Variants in RSPH3 observed in about 807,000 individuals in gnomAD.
RSPH3 encodes the protein radial spoke head protein 3 homolog.
Under a neutral mutation model 43.8 loss-of-function variants are expected in RSPH3, and 21 were observed. That is an observed-to-expected ratio of 0.48 (90% confidence interval 0.34 to 0.69). RSPH3 has a LOEUF of 0.69. Among genes scored for constraint, RSPH3 ranks in the 30% least tolerant of loss-of-function variants. RSPH3 has a pLI of 0.01. For missense variants in RSPH3, 487 were observed against 516.0 expected, an observed-to-expected ratio of 0.94 and a Z score of 0.54; for synonymous variants, 173 against 179.8, an observed-to-expected ratio of 0.96 and a Z score of 0.30.
intron 3 of RSPH3, among the ~76,000 whole-genome samples, chr6:158,984,124 ACT>A (rs1033576901): frequency 2.6e-5 from 4 of 151,810 alleles, no homozygotes; most frequent in Admixed American, 6.6e-5. Context: ...ACACAGTGAG[ACT>A]CTGTCTCAAA....
At chr6:158,993,689 T>C (rs1778495105) in intron 2 of RSPH3, 150 bp downstream of exon 2, 1 of 510,226 alleles carries the variant, frequency 2.0e-6, no homozygotes, top group Non-Finnish European at 3.4e-6. Context: ...TCTATTTGTA[T>C]GTCTTTTTAA....
At chr6:158,993,659 C>T (rs1296291434) in intron 2 of RSPH3, among the ~76,000 whole-genome samples, 180 bp downstream of exon 2, 1 of 152,122 alleles carries the variant, frequency 6.6e-6, no homozygotes, top group Non-Finnish European at 1.5e-5. Flanking sequence ...CCCCCAGCTC[C>T]TGGAAACTGT....
chr6:158,991,998 A>T (rs1315832752), intron 2 of RSPH3, among the ~76,000 whole-genome samples: 1 of 151,758 alleles, frequency 6.6e-6, no homozygotes, highest in African/African-American at 2.4e-5. Context: ...ACTTTATTAT[A>T]AAATAGGCTT....
rs1777728587 is a variant in RSPH3, at chr6:158,973,238, A to G, written c.*4300T>C. On this transcript the variant is annotated 3_prime_UTR_variant, in exon 8 of 8. Transcript: ENST00000367069. ...AAATACATTCTGTGATTCACCTATAAACAAAAGAGTAAAGCAGAATGTGTC... is the reference window on the plus strand; with the variant it reads ...AAATACATTCTGTGATTCACCTATAGACAAAAGAGTAAAGCAGAATGTGTC... 1 of 152,244 alleles carries G rather than the reference A, an allele frequency of 6.6e-6. No individual in the cohort carries two copies. Among genetic ancestry groups the G allele is most frequent in the Non-Finnish European group, 1.5e-5 (1 of 68,048 alleles). 9.4% of individuals were successfully genotyped at this position (152,244 alleles called of 1,614,324 possible).
chr6:158,983,536 C>T lies in RSPH3; in HGVS notation c.492+126G>A, dbSNP rs554490464. 213 of 766,192 alleles carry T rather than the reference C, an allele frequency of 2.8e-4. 2 individuals carry two copies. The highest frequency in any genetic ancestry group is 1.3e-3 in the Admixed American group (60 of 47,358). 47.5% of individuals were successfully genotyped at this position (766,192 alleles called of 1,614,324 possible). ...ATGATAAAACCATTATAGATAATATCTGGAAAGAAATCCAAGAAGTAGAAT... is the reference window on the plus strand; with the variant it reads ...ATGATAAAACCATTATAGATAATATTTGGAAAGAAATCCAAGAAGTAGAAT... On this transcript the variant is annotated intron_variant, in intron 4 of 7. Coordinates refer to ENST00000367069, the MANE Select transcript of RSPH3 (RefSeq NM_031924.8).
intron 1 of RSPH3, among the ~76,000 whole-genome samples, chr6:158,995,171 AT>A (rs1778549123): frequency 6.6e-6 from 1 of 152,082 alleles, no homozygotes. Context: ...CTCAATTTTT[AT>A]TTTTAGCTGA....
chr6:158,982,987 T>C (rs911789322), intron 4 of RSPH3, among the ~76,000 whole-genome samples: 1 of 152,198 alleles, frequency 6.6e-6, no homozygotes, highest in African/African-American at 2.4e-5. Flanking sequence ...TTGATTTTTA[T>C]TTATTTTTAA....
intron 2 of RSPH3, among the ~76,000 whole-genome samples, chr6:158,990,936 C>T (rs993814147): frequency 4.8e-5 from 7 of 147,264 alleles, no homozygotes; most frequent in Non-Finnish European, 1.0e-4. Flanking sequence ...TGGATAACTT[C>T]CGTTCTTCAT....
intron 1 of RSPH3, among the ~76,000 whole-genome samples, chr6:158,995,090 C>A (rs1778546381): frequency 6.6e-6 from 1 of 152,170 alleles, no homozygotes; most frequent in Non-Finnish European, 1.5e-5. Flanking sequence ...CCTCCGGGCT[C>A]AGCCTTCTCT....
At chr6:158,967,645 TCTC>T in the RSPH3 span, among the ~76,000 whole-genome samples, 1 of 152,192 alleles carries the variant, frequency 6.6e-6, no homozygotes, top group African/African-American at 2.4e-5. Context: ...TTGCTGATCT[TCTC>T]CTTAGTCTAT....
chr6:158,971,579 T>C (rs1777694564), downstream of RSPH3, among the ~76,000 whole-genome samples: 1 of 152,216 alleles, frequency 6.6e-6, no homozygotes, highest in Non-Finnish European at 1.5e-5. Context: ...CTTATGTTAG[T>C]GCTATGAGTT....
intron 1 of RSPH3, among the ~76,000 whole-genome samples, chr6:158,996,985 T>G (rs571080992): frequency 1.3e-5 from 2 of 152,284 alleles, no homozygotes. Flanking sequence ...GAGACTGGAT[T>G]AAGTTCTCAC....
In RSPH3 at chr6:158,974,608, G is replaced by A. The variant is rs762343526; in HGVS notation, c.*2930C>T. The A allele has an allele frequency of 3.8e-4, 58 of 152,236 alleles. No homozygotes were observed. The highest frequency in any genetic ancestry group is 6.8e-4 in the Non-Finnish European group (46 of 68,022). The allele number at this position is 152,236 out of a possible 1,614,324, so 9.4% of individuals were successfully genotyped here. A position where few individuals can be genotyped will look rare whatever the true frequency, so the allele number is the denominator to read the frequency against. On this transcript the variant is annotated 3_prime_UTR_variant, in exon 8 of 8. Coordinates refer to ENST00000367069, the MANE Select transcript of RSPH3 (RefSeq NM_031924.8). ...TGTGTTACCTCTAAGCTTTCTCACA[G>A]CGACAATGCCCTAACCTCTCAATTA...
chr6:158,993,577 G>A (rs1415896958), intron 2 of RSPH3, among the ~76,000 whole-genome samples: 1 of 151,556 alleles, frequency 6.6e-6, no homozygotes, highest in Non-Finnish European at 1.5e-5. Context: ...CTCTATCTCC[G>A]GAACTCTTTT....
intron 4 of RSPH3, among the ~76,000 whole-genome samples, chr6:158,983,057 G>A (rs1778089263): frequency 6.6e-6 from 1 of 152,104 alleles, no homozygotes; most frequent in South Asian, 2.1e-4. Flanking sequence ...TCATTGCTAG[G>A]ATTTATAGGC....
chr6:158,998,337 C>T (rs1286234539), intron 1 of RSPH3, among the ~76,000 whole-genome samples: 4 of 139,288 alleles, frequency 2.9e-5, no homozygotes, highest in East Asian at 2.1e-4. Context: ...GGCGTGGTGG[C>T]GGGCGCCTGT....
chr6:158,995,896 T>A (rs1256259595), intron 1 of RSPH3, among the ~76,000 whole-genome samples: 1 of 152,080 alleles, frequency 6.6e-6, no homozygotes, highest in African/African-American at 2.4e-5. Flanking sequence ...ACCGTGCCCA[T>A]CCTTCTTCTT....
chr6:158,986,154 A>G (rs1778231186), intron 3 of RSPH3, 126 bp downstream of exon 3: 2 of 902,752 alleles, frequency 2.2e-6, no homozygotes, highest in African/African-American at 1.7e-5. Context: ...CTTCCCTACC[A>G]TGTGATCGGG....
intron 6 of RSPH3, among the ~76,000 whole-genome samples, chr6:158,980,048 A>G (rs1777980477): frequency 6.6e-6 from 1 of 152,250 alleles, no homozygotes; most frequent in Non-Finnish European, 1.5e-5. Flanking sequence ...TGAATAAGTC[A>G]GCTGAGAAAA....
Sources: allele counts gnomAD v4.1 joint callset (sites outside exome capture counted in the v4.1 genomes callset), GRCh38; gene constraint gnomAD v4.1.1; transcripts MANE v1.5; gene names NCBI Gene and HGNC (gene_info 2026-07-23, HGNC 2026-07-21).